ALDH8A1: variants seen among roughly 807,000 people sequenced by gnomAD.
ALDH8A1 encodes 2-aminomuconic semialdehyde dehydrogenase.
In ALDH8A1, 39 loss-of-function variants were observed where a neutral mutation model predicts 43.3. That is an observed-to-expected ratio of 0.90 (90% CI 0.70 to 1.18). The LOEUF (loss-of-function observed/expected upper bound fraction) is 1.18. Among genes scored for constraint, ALDH8A1 ranks in the 50% most tolerant of loss-of-function variants. The probability of loss-of-function intolerance (pLI) is 0.00; values close to 1 mark genes in which losing one functional copy is unlikely to be tolerated. For missense variants in ALDH8A1, 605 were observed against 622.6 expected, an observed-to-expected ratio of 0.97 and a Z score of 0.30; for synonymous variants, 233 against 243.5, an observed-to-expected ratio of 0.96 and a Z score of 0.40.
chr6:134,941,887 T>C (rs184577259), intron 3 of ALDH8A1, among the ~76,000 whole-genome samples: 3 of 152,206 alleles, frequency 2.0e-5, no homozygotes, highest in Admixed American at 2.0e-4. Context: ...ACATATTTAC[T>C]CTTAGCATCA....
intron 1 of ALDH8A1, among the ~76,000 whole-genome samples, chr6:134,944,388 C>G (rs1237119176): frequency 6.6e-6 from 1 of 152,046 alleles, no homozygotes; most frequent in Non-Finnish European, 1.5e-5. Context: ...TTTGAATATT[C>G]AACATGTCCC....
rs1430855595 is a variant in ALDH8A1, at chr6:134,929,196, G to T, written c.869C>A (p.Thr290Asn). Residue 290 changes from threonine to asparagine, a missense_variant, in exon 6 of 7, where the codon ACC becomes AAC. Thr to Asn is a moderately conservative substitution (Grantham distance 65). Coordinates refer to ENST00000265605, the MANE Select transcript of ALDH8A1 (RefSeq NM_022568.4). ...GCTCTTCTGGACAAAGATCCTGCTGGTACAGAGACAGATTTCACCCTGCCA... is the reference window on the plus strand; with the variant it reads ...GCTCTTCTGGACAAAGATCCTGCTGTTACAGAGACAGATTTCACCCTGCCA... The part of the protein sequence containing the change: ...FANQGEICLC[T>N]SRIFVQKSIY... 4 of 1,613,822 alleles carry T rather than the reference G, an allele frequency of 2.5e-6. No homozygotes were observed. The highest frequency in any genetic ancestry group is 3.4e-6 in the Non-Finnish European group (4 of 1,179,968).
chr6:134,938,110 G>A (rs574117340), intron 4 of ALDH8A1, among the ~76,000 whole-genome samples: 3 of 152,268 alleles, frequency 2.0e-5, no homozygotes, highest in East Asian at 1.9e-4. Context: ...CTTACCCACC[G>A]GGCATTCTGT....
At chr6:134,937,625 G>A (rs906474078) in intron 4 of ALDH8A1, among the ~76,000 whole-genome samples, 4 of 152,196 alleles carry the variant, frequency 2.6e-5, no homozygotes, top group African/African-American at 9.6e-5. Context: ...TCAGGAGAGA[G>A]TGGTTAAGGG....
Position 134,929,660 on chromosome 6 carries a change from A to G in ALDH8A1, c.850-445T>C, listed in dbSNP as rs568210007. Among the ~76,000 whole-genome samples the G allele has an allele frequency of 3.3e-5, 5 of 152,300 alleles. No homozygotes were observed. The East Asian group carries it at 9.6e-4, about 29-fold the overall frequency. On this transcript the variant is annotated intron_variant, in intron 5 of 6. Coordinates refer to ENST00000265605, the MANE Select transcript of ALDH8A1 (RefSeq NM_022568.4). ...CTGCAGCAGGAATGAACTGGTGTGC[A>G]TGAGGAAAAGCAAGAAGGTGGGTGG...
intron 6 of ALDH8A1, among the ~76,000 whole-genome samples, chr6:134,922,052 C>G (rs1202950134): frequency 1.3e-5 from 2 of 152,236 alleles, no homozygotes; most frequent in East Asian, 1.9e-4. Context: ...CTCATTTCAT[C>G]TGTGCACACG....
intron 6 of ALDH8A1, among the ~76,000 whole-genome samples, chr6:134,926,180 C>G (rs1327864552): frequency 6.6e-6 from 1 of 150,940 alleles, no homozygotes; most frequent in East Asian, 1.9e-4. Flanking sequence ...ATTAGAAATA[C>G]CAGCATAGAC....
chr6:134,929,820 TA>T (rs1046232255), intron 5 of ALDH8A1, among the ~76,000 whole-genome samples: 6 of 151,770 alleles, frequency 4.0e-5, no homozygotes, highest in Non-Finnish European at 8.8e-5. Flanking sequence ...CATGAAAAAA[TA>T]AGGGAAGGTT....
At chr6:134,922,758 T>C (rs1404577012) in intron 6 of ALDH8A1, among the ~76,000 whole-genome samples, 1 of 152,226 alleles carries the variant, frequency 6.6e-6, no homozygotes, top group Non-Finnish European at 1.5e-5. Context: ...TGGAGCTTTC[T>C]GAGATGAGTG....
intron 6 of ALDH8A1, among the ~76,000 whole-genome samples, chr6:134,920,447 G>A (rs1159653770): frequency 6.6e-6 from 1 of 152,134 alleles, no homozygotes; most frequent in East Asian, 1.9e-4. Flanking sequence ...GGGAATGGAG[G>A]TGCAGCTGTC....
chr6:134,918,349 T>C lies in ALDH8A1; in HGVS notation c.*66A>G, dbSNP rs17053608. On this transcript the variant is annotated 3_prime_UTR_variant, in exon 7 of 7. Transcript: ENST00000265605. The stretch of plus-strand genomic sequence containing the variant: ...TGGAATTCATGCCATGATTTTCATC[T>C]ACCACATTGAACAACTGATGCCTGC... The C allele has an allele frequency of 9.5e-3, 14,022 of 1,469,578 alleles. 1,071 individuals are homozygous for C. The African/African-American group carries it at 0.17, about 17-fold the overall frequency. 91.0% of individuals were successfully genotyped at this position (1,469,578 alleles called of 1,614,324 possible). A position where few individuals can be genotyped will look rare whatever the true frequency, so the allele number is the denominator to read the frequency against.
chr6:134,934,292 C>T lies in ALDH8A1; in HGVS notation c.593-1260G>A, dbSNP rs150074472. 5.3e-4 allele frequency among the ~76,000 whole-genome samples: 81 copies of T among 152,296 alleles called. No homozygotes were observed. In the East Asian group the frequency reaches 0.014, roughly 26 times the overall value. ...CATAGTATGACTCTTCCTTATTAAT[C>T]TTTAACCAGAATTCTTTCCTCAGTG... is the stretch of plus-strand genomic sequence containing the variant. On this transcript the variant is annotated intron_variant, in intron 4 of 6. Transcript: ENST00000265605.
intron 5 of ALDH8A1, among the ~76,000 whole-genome samples, chr6:134,931,154 TA>T (rs1249625392): frequency 1.3e-5 from 2 of 152,246 alleles, no homozygotes; most frequent in East Asian, 1.9e-4. Flanking sequence ...ATTTCCTTTT[TA>T]AAACAACCCC....
intron 6 of ALDH8A1, among the ~76,000 whole-genome samples, chr6:134,927,888 C>T (rs1216370692): frequency 6.6e-6 from 1 of 152,122 alleles, no homozygotes; most frequent in Non-Finnish European, 1.5e-5. Context: ...CCAAAAGAGC[C>T]AGAAGGAGAG....
At chr6:134,927,359 G>C (rs1213363564) in intron 6 of ALDH8A1, among the ~76,000 whole-genome samples, 2 of 152,050 alleles carry the variant, frequency 1.3e-5, no homozygotes, top group Admixed American at 1.3e-4. Context: ...GGAACATACT[G>C]GGCATCAAAA....
Position 134,918,713 on chromosome 6 carries a change from G to A in ALDH8A1, c.1166C>T (p.Thr389Met), listed in dbSNP as rs747404906. The change falls in exon 7 of 7, where the codon ACG becomes ATG. Residue 389 changes from threonine to methionine, a missense_variant. By Grantham distance (81) the Thr-to-Met change is moderately conservative. Transcript: ENST00000265605. ...TDIKDESCCM[T>M]EEIFGPVTCV... is the part of the protein sequence containing the mutation. ...CGTCACTGGACCAAATATCTCTTCCGTCATGCAGCAGGATTCATCCTTAAT... is the reference window on the plus strand; with the variant it reads ...CGTCACTGGACCAAATATCTCTTCCATCATGCAGCAGGATTCATCCTTAAT... 49 of 1,614,034 alleles carry A rather than the reference G, an allele frequency of 3.0e-5. No homozygotes were observed. Among genetic ancestry groups the A allele is most frequent in the Middle Eastern group, 1.6e-4 (1 of 6,084 alleles).
rs1221753112 is a variant in ALDH8A1, at chr6:134,949,872, A to C, written c.138+44T>G. The C allele has an allele frequency of 2.7e-6, 4 of 1,505,844 alleles. No individual in the cohort carries two copies. The South Asian group carries it at 4.3e-5, about 16-fold the overall frequency. 93.3% of individuals were successfully genotyped at this position (1,505,844 alleles called of 1,614,324 possible). On this transcript the variant is annotated intron_variant, in intron 1 of 6. Coordinates refer to ENST00000265605, the MANE Select transcript of ALDH8A1 (RefSeq NM_022568.4). ...GAAAACTGTTACCCATAATTGGCCA[A>C]CATATTAAACACATTTCAGTCTTCT...
intron 5 of ALDH8A1, among the ~76,000 whole-genome samples, chr6:134,930,653 A>G (rs1170063033): frequency 6.6e-6 from 1 of 152,202 alleles, no homozygotes; most frequent in Non-Finnish European, 1.5e-5. Flanking sequence ...TCATCTCCAT[A>G]TCTAGCTTGG....
chr6:134,942,597 G>A (rs769410176), intron 2 of ALDH8A1, 33 bp from the exon 3 acceptor site: 1 of 1,593,880 alleles, frequency 6.3e-7, no homozygotes, highest in South Asian at 1.1e-5. Context: ...AGCACTATCA[G>A]CTAATGGGGA....
Sources: gnomAD v4.1 joint callset for allele counts (sites outside exome capture counted in the v4.1 genomes callset) on GRCh38, gnomAD v4.1.1 for gene constraint, MANE v1.5 for transcripts, NCBI Gene and HGNC (gene_info 2026-07-23, HGNC 2026-07-21) for gene names.